MAP3K3: variants seen among roughly 807,000 people sequenced by gnomAD.
MAP3K3 encodes MAP/ERK kinase kinase 3.
MAP3K3 carries 12 observed loss-of-function variants against 80.9 expected under a neutral mutation model. The ratio of observed to expected loss-of-function variants is 0.15; its 90% CI spans 0.10 to 0.24. MAP3K3 has a LOEUF of 0.24. Ranked by LOEUF, MAP3K3 falls within the 10% of genes least tolerant of loss-of-function variation. MAP3K3 has a pLI of 1.00. For synonymous variants in MAP3K3, 272 were observed against 307.1 expected, an observed-to-expected ratio of 0.89 and a Z score of 1.19; for missense variants, 596 against 834.7, an observed-to-expected ratio of 0.71 and a Z score of 3.52.
chr17:63,622,881 G>C (rs1323323583), intron 1 of MAP3K3, 118 bp downstream of exon 1: 1 of 168,192 alleles, frequency 5.9e-6, no homozygotes, highest in African/African-American at 2.4e-5. Context: ...GCCCGGCCCG[G>C]GGCTGCGGAC....
chr17:63,622,693 CG>C lies in MAP3K3; in HGVS notation c.-65del. On this transcript the variant is annotated 5_prime_UTR_variant, in exon 1 of 16. An upstream open reading frame in the 5' UTR loses its in-frame stop. Coordinates refer to ENST00000361733, the MANE Select transcript of MAP3K3 (RefSeq NM_002401.5). The stretch of plus-strand genomic sequence containing the variant: ...CTGCCGTCCCCGCCGCCCGGGCCCC[CG>C]GCATGCAGCCCCGGCTGCGGAGGTG... 1 of 421,042 alleles carries C rather than the reference CG, an allele frequency of 2.4e-6. No individual in the cohort carries two copies. Among genetic ancestry groups the C allele is most frequent in the Non-Finnish European group, 4.7e-6 (1 of 213,860 alleles). The allele number at this position is 421,042 out of a possible 1,614,324, so 26.1% of individuals were successfully genotyped here.
At chr17:63,688,990 G>C (rs2035523666) in intron 10 of MAP3K3, 109 bp downstream of exon 10, 1 of 771,998 alleles carries the variant, frequency 1.3e-6, no homozygotes, top group African/African-American at 1.7e-5. Flanking sequence ...CATTCCTGAG[G>C]ATTTGTGGCC....
chr17:63,669,484 T>TC (rs2035061173), intron 6 of MAP3K3, among the ~76,000 whole-genome samples: 1 of 152,076 alleles, frequency 6.6e-6, no homozygotes, highest in Non-Finnish European at 1.5e-5. Flanking sequence ...TTTTTTTTTT[T>TC]TCTCGAGACA....
chr17:63,668,162 T>A (rs1441056339), intron 6 of MAP3K3: 1 of 152,268 alleles, frequency 6.6e-6, no homozygotes, highest in Non-Finnish European at 1.5e-5. Flanking sequence ...TTGCTTCAAA[T>A]TGAAGTGTCC....
At chr17:63,660,133 G>A (rs1270987326) in intron 5 of MAP3K3, among the ~76,000 whole-genome samples, 1 of 152,074 alleles carries the variant, frequency 6.6e-6, no homozygotes, top group Admixed American at 6.6e-5. Flanking sequence ...CAGTCACTTT[G>A]TTTCTCCACT....
rs1164420584 is a variant in MAP3K3, at chr17:63,693,147, C to T, written c.1653-402C>T. On this transcript the variant is annotated intron_variant, in intron 15 of 15. Transcript: ENST00000361733. This position sits in a 1 kb window ranked among gnomAD's most constrained non-coding sequence, Gnocchi z 4.2. ...CAGGTTCTCCCCTCAGAGCCTCTGACAGGAACCAGCCCTGCCGCCACCTTG... is the reference window on the plus strand; with the variant it reads ...CAGGTTCTCCCCTCAGAGCCTCTGATAGGAACCAGCCCTGCCGCCACCTTG... Among the ~76,000 whole-genome samples the T allele has an allele frequency of 6.6e-6, 1 of 152,198 alleles. No homozygotes were observed. Among genetic ancestry groups the T allele is most frequent in the Non-Finnish European group, 1.5e-5 (1 of 68,034 alleles).
chr17:63,643,436 G>A (rs1440287271), intron 2 of MAP3K3, among the ~76,000 whole-genome samples: 4 of 151,964 alleles, frequency 2.6e-5, no homozygotes, highest in Non-Finnish European at 2.9e-5. Context: ...ACCTGTGCCC[G>A]GGAAGTCAAG....
intron 2 of MAP3K3, chr17:63,634,614 A>G: frequency 1.0e-6 from 1 of 1,000,416 alleles, no homozygotes. Context: ...AACAAGAGGT[A>G]CTAGATCTTT....
intron 2 of MAP3K3, among the ~76,000 whole-genome samples, chr17:63,641,538 G>C (rs2034443649): frequency 1.3e-5 from 2 of 152,100 alleles, no homozygotes; most frequent in Non-Finnish European, 2.9e-5. Context: ...GCCCAGCCTA[G>C]TGCAGTTAGG....
At chr17:63,632,954 C>A in intron 2 of MAP3K3, 152 bp downstream of exon 2, 2 of 1,024,630 alleles carry the variant, frequency 2.0e-6, no homozygotes, top group Non-Finnish European at 2.8e-6. Flanking sequence ...TAATACATAC[C>A]AACCAGGTAT....
intron 1 of MAP3K3, among the ~76,000 whole-genome samples, chr17:63,626,601 G>T (rs764467307): frequency 6.6e-6 from 1 of 152,216 alleles, no homozygotes; most frequent in Non-Finnish European, 1.5e-5. Flanking sequence ...TTTAGCAAAG[G>T]TTCAACCATT....
At chr17:63,634,642 C>T in intron 2 of MAP3K3, 1 of 1,290,962 alleles carries the variant, frequency 7.7e-7, no homozygotes. Context: ...TGATTTACTT[C>T]AATGTTGTCA....
At chr17:63,666,710 C>A (rs1473765062) in intron 5 of MAP3K3, among the ~76,000 whole-genome samples, 1 of 152,186 alleles carries the variant, frequency 6.6e-6, no homozygotes, top group Non-Finnish European at 1.5e-5. Context: ...TAAACTGGGG[C>A]ACTAGGTCTC....
At chr17:63,626,923 G>A (rs1347496839) in intron 1 of MAP3K3, among the ~76,000 whole-genome samples, 2 of 152,206 alleles carry the variant, frequency 1.3e-5, no homozygotes, top group African/African-American at 4.8e-5. Context: ...GAGAGAGAGT[G>A]TGTGGCATAG....
chr17:63,651,563 A>G (rs1194645079), intron 3 of MAP3K3, among the ~76,000 whole-genome samples: 2 of 152,212 alleles, frequency 1.3e-5, no homozygotes, highest in African/African-American at 4.8e-5. Context: ...CTGAACTCCC[A>G]TGGACCTGTC....
At chr17:63,655,617 A>G (rs373316092) in intron 4 of MAP3K3, among the ~76,000 whole-genome samples, 3 of 152,076 alleles carry the variant, frequency 2.0e-5, no homozygotes, top group African/African-American at 7.2e-5. Flanking sequence ...CAGTTTCCCC[A>G]GTAACTGGGA....
intron 4 of MAP3K3, among the ~76,000 whole-genome samples, chr17:63,653,794 A>G (rs1375445777): frequency 6.6e-6 from 1 of 152,228 alleles, no homozygotes; most frequent in African/African-American, 2.4e-5. Flanking sequence ...TTTATCATCT[A>G]AAAGTATACC....
chr17:63,689,809 C>T lies in MAP3K3; in HGVS notation c.1063+74C>T. On this transcript the variant is annotated intron_variant, in intron 11 of 15. Coordinates refer to ENST00000361733, the MANE Select transcript of MAP3K3 (RefSeq NM_002401.5). The surrounding 1 kb of genome is among the most constrained non-coding windows in gnomAD (Gnocchi z 4.3). ...CAAGCTACGGGGGCAAACAGCTGGG[C>T]CCCTGGGACCCTTAGGCTCAGCAGG... 2.8e-6 allele frequency: 4 copies of T among 1,428,960 alleles called. No homozygotes were observed. The highest frequency in any genetic ancestry group is 4.9e-5 in the East Asian group (2 of 40,556). 88.5% of individuals were successfully genotyped at this position (1,428,960 alleles called of 1,614,324 possible).
At chr17:63,654,084 G>A (rs1483822505) in intron 4 of MAP3K3, among the ~76,000 whole-genome samples, 2 of 152,080 alleles carry the variant, frequency 1.3e-5, no homozygotes, top group East Asian at 3.9e-4. Context: ...GCCCAGGCTG[G>A]TCTCAAATTC....
Sources: gnomAD v4.1 joint callset for allele counts (sites outside exome capture counted in the v4.1 genomes callset) on GRCh38, gnomAD v4.1.1 for gene constraint, Gnocchi (gnomAD v3.1) non-coding constraint, MANE v1.5 for transcripts, NCBI Gene and HGNC (gene_info 2026-07-23, HGNC 2026-07-21) for gene names.